The following RMDN2 variants were observed in gnomAD, a reference collection of about 807,000 sequenced individuals.
RMDN2 encodes regulator of microtubule dynamics 2, also known as regulator of microtubule dynamics protein 2.
In RMDN2, 61 loss-of-function variants were observed where a neutral mutation model predicts 52.8. The observed-to-expected ratio is 1.16, with a 90% CI of 0.94 to 1.43. RMDN2 has a LOEUF of 1.43. RMDN2 is among the 40% of genes most tolerant of loss of function. RMDN2 has a pLI of 0.00. For synonymous variants in RMDN2, 180 were observed against 153.1 expected (o/e 1.18, Z -1.30); for missense variants, 592 against 475.3 (o/e 1.25, Z -2.28).
chr2:38,045,922 AC>A (rs138024106), intron 10 of RMDN2, among the ~76,000 whole-genome samples: 4,303 of 152,340 alleles, frequency 0.028, 73 homozygotes, highest in Non-Finnish European at 0.043. Context: ...ATGAAGGCCA[AC>A]ATTGCAACTA....
intron 2 of RMDN2, chr2:37,952,355 A>AT (rs1668942274): frequency 1.5e-6 from 1 of 650,548 alleles, no homozygotes; most frequent in East Asian, 2.7e-5. Flanking sequence ...TGCAGTGTAA[A>AT]TTTAATTGCT....
At chr2:38,036,950 G>A (rs936020684) in intron 10 of RMDN2, among the ~76,000 whole-genome samples, 6 of 152,154 alleles carry the variant, frequency 3.9e-5, no homozygotes, top group Admixed American at 2.6e-4. Flanking sequence ...GTCTATTTCC[G>A]GGAAAAGAGT....
chr2:37,989,704 A>G (rs1042842457), intron 6 of RMDN2, 88 bp downstream of exon 6: 1 of 873,438 alleles, frequency 1.1e-6, no homozygotes. Context: ...TAATGTAGCC[A>G]TATGTTCCAT....
intron 2 of RMDN2, among the ~76,000 whole-genome samples, chr2:37,940,774 C>G (rs1667715539): frequency 6.6e-6 from 1 of 152,124 alleles, no homozygotes. Context: ...ACTTGTTATT[C>G]TCATTAGCAA....
intron 10 of RMDN2, among the ~76,000 whole-genome samples, chr2:38,049,198 TG>T (rs1249987435): frequency 1.3e-5 from 2 of 152,150 alleles, no homozygotes; most frequent in Non-Finnish European, 2.9e-5. Context: ...AAGTCAGACC[TG>T]GAAAGTCTAC....
intron 2 of RMDN2, among the ~76,000 whole-genome samples, chr2:37,964,823 G>A (rs957606243): frequency 2.0e-5 from 3 of 151,890 alleles, no homozygotes; most frequent in Non-Finnish European, 4.4e-5. Context: ...TTAAAGTAAT[G>A]GTATTACTAT....
chr2:38,002,917 A>G (rs1347898668), intron 8 of RMDN2: 1 of 152,252 alleles, frequency 6.6e-6, no homozygotes, highest in Non-Finnish European at 1.5e-5. Flanking sequence ...TGGGCCTTCA[A>G]AACAGCGAAA....
At chr2:38,042,505 G>C (rs1453111758) in intron 10 of RMDN2, among the ~76,000 whole-genome samples, 1 of 150,720 alleles carries the variant, frequency 6.6e-6, no homozygotes, top group Non-Finnish European at 1.5e-5. Context: ...TCTAACAGCA[G>C]TTTTGGTTTC....
chr2:37,977,685 G>T (rs1303225609), intron 4 of RMDN2, among the ~76,000 whole-genome samples: 1 of 151,802 alleles, frequency 6.6e-6, no homozygotes, highest in African/African-American at 2.4e-5. Flanking sequence ...CCCAGACGGG[G>T]TCGCGGCCGG....
upstream of RMDN2, among the ~76,000 whole-genome samples, chr2:37,924,162 C>A (rs1434750422): frequency 6.6e-6 from 1 of 152,188 alleles, no homozygotes; most frequent in African/African-American, 2.4e-5. Context: ...GAATCCCTAT[C>A]CGTAAACAGT....
intron 10 of RMDN2, chr2:38,012,787 C>A (rs1678192811): frequency 3.4e-6 from 1 of 297,520 alleles, no homozygotes; most frequent in South Asian, 3.2e-5. Flanking sequence ...CAAGTTTATT[C>A]ATTTCCAAAA....
At chr2:38,018,323 T>C (rs534992922), downstream of RMDN2, among the ~76,000 whole-genome samples, 11 of 152,154 alleles carry the variant, frequency 7.2e-5, no homozygotes, top group East Asian at 1.9e-3. Context: ...AATATGAAAA[T>C]ATAAAAGAAA....
chr2:38,060,061 C>CTATTT lies in RMDN2; in HGVS notation c.1714-6864_1714-6860dup, dbSNP rs72343040. On this transcript the variant is annotated intron_variant, in intron 10 of 10. Coordinates refer to the RMDN2 transcript ENST00000234195. ...TACAGGTGTGTGCCACGACGCCCAG[C>CTATTT]TATTTTATTTTATTTTATTTTATTT... is the stretch of plus-strand genomic sequence containing the variant. 1.7e-3 allele frequency among the ~76,000 whole-genome samples: 222 copies of CTATTT among 128,666 alleles called. 1 individual carries two copies. The highest frequency in any genetic ancestry group is 7.2e-3 in the East Asian group (32 of 4,466). The allele number at this position is 128,666 out of a possible 152,430, so 84.4% of individuals were successfully genotyped here.
chr2:37,952,289 A>G (rs767761974), intron 2 of RMDN2: 1 of 1,233,142 alleles, frequency 8.1e-7, no homozygotes, highest in Non-Finnish European at 1.2e-6. Context: ...TTCATTTCTC[A>G]TAACTCCCCT....
upstream of RMDN2, among the ~76,000 whole-genome samples, chr2:37,921,332 A>G (rs544228552): frequency 5.3e-5 from 8 of 152,328 alleles, no homozygotes; most frequent in African/African-American, 1.9e-4. Context: ...TTCTTTTCAG[A>G]AATTTTTTTT....
intron 7 of RMDN2, 67 bp from the exon 8 acceptor site, chr2:37,997,349 C>T: frequency 1.0e-6 from 1 of 954,366 alleles, no homozygotes; most frequent in Non-Finnish European, 1.7e-6. Flanking sequence ...ACACGTCTAA[C>T]TGGGGAGAGA....
chr2:38,043,578 C>T (rs1360844623), intron 10 of RMDN2, among the ~76,000 whole-genome samples: 3 of 152,016 alleles, frequency 2.0e-5, no homozygotes, highest in Non-Finnish European at 4.4e-5. Flanking sequence ...TCATCTTCCC[C>T]TCTTCTTCTG....
At chr2:37,969,334 G>C (rs6741144) in intron 2 of RMDN2, among the ~76,000 whole-genome samples, 125,989 of 151,732 alleles carry the variant, frequency 0.83, 52,554 homozygotes, top group Middle Eastern at 0.92. Context: ...TTAAATTTTC[G>C]TATCCATGAA....
chr2:37,988,045 C>T (rs892512946), intron 5 of RMDN2, among the ~76,000 whole-genome samples: 1 of 152,066 alleles, frequency 6.6e-6, no homozygotes. Flanking sequence ...GGCGATAGAG[C>T]ATGTCTTCAT....
Sources: gnomAD v4.1 joint callset for allele counts (sites outside exome capture counted in the v4.1 genomes callset) on GRCh38, gnomAD v4.1.1 for gene constraint, MANE v1.5 for transcripts, NCBI Gene and HGNC (gene_info 2026-07-23, HGNC 2026-07-21) for gene names.